CSTF2: variants seen among roughly 807,000 people sequenced by gnomAD.
CSTF2 encodes the protein CF-1 64 kDa subunit.
Under a neutral mutation model 45.4 loss-of-function variants are expected in CSTF2, and 8 were observed. The observed-to-expected ratio is 0.18, with a 90% CI of 0.10 to 0.32. The LOEUF is 0.32. Among genes scored for constraint, CSTF2 ranks in the 10% least tolerant of loss-of-function variants. The pLI, the probability that CSTF2 is intolerant of heterozygous loss-of-function variation, is 1.00. For missense variants in CSTF2, 253 were observed against 477.1 expected (o/e 0.53, Z 4.38); for synonymous variants, 155 against 158.9 (o/e 0.98, Z 0.18).
chrX:100,820,646 G>A, intron 1 of CSTF2, 172 bp downstream of exon 1: 1 of 553,180 alleles, frequency 1.8e-6, no homozygotes, highest in South Asian at 2.5e-5. Context: ...CCATTCTGCC[G>A]AGGTCTCGTA....
rs146482518 is a variant in CSTF2 at position 100,823,906 on chromosome X, C to G, written c.465C>G (p.Pro155=). ...CTCAGCTCTGTGTCCAGAATAGTCC[C>G]CAGGAGGCACGGAACATGTTACTTC... The part of the protein sequence containing the change: ...KQMKLCVQNS[P]QEARNMLLQN... Residue 155 remains proline (P), a synonymous_variant, in exon 5 of 14, where the codon CCC becomes CCG. Transcript: ENST00000372972. The G allele has an allele frequency of 2.4e-5, 29 of 1,209,461 alleles. No homozygotes were observed. The highest frequency in any genetic ancestry group is 3.0e-5 in the Non-Finnish European group (27 of 894,564).
chrX:100,827,883 A>G (rs1298083641), intron 7 of CSTF2, among the ~76,000 whole-genome samples, 157 bp from the exon 8 acceptor site: 1 of 111,809 alleles, frequency 8.9e-6, no homozygotes, highest in Non-Finnish European at 1.9e-5. Context: ...ATACTAACAA[A>G]CCCCATCTTC....
intron 3 of CSTF2, 45 bp downstream of exon 3, chrX:100,822,465 G>T: frequency 1.7e-6 from 2 of 1,145,957 alleles, no homozygotes; most frequent in East Asian, 6.0e-5. Flanking sequence ...TAGTAAAGAT[G>T]TAACAATGAA....
intron 10 of CSTF2, 47 bp downstream of exon 10, chrX:100,832,956 T>C: frequency 8.9e-7 from 1 of 1,120,008 alleles, no homozygotes; most frequent in East Asian, 3.1e-5. Flanking sequence ...TCAACTGTCT[T>C]AGGCTCTAAT....
In CSTF2 at chrX:100,839,362, T is replaced by C. The variant is rs768608836; in HGVS notation, c.*3+998T>C. Among the ~76,000 whole-genome samples the C allele has an allele frequency of 6.3e-5, 7 of 111,490 alleles. No individual in the cohort carries two copies. In the Admixed American group the frequency reaches 6.7e-4, roughly 11 times the overall value. On this transcript the variant is annotated intron_variant, in intron 13 of 13. Coordinates refer to ENST00000372972, the MANE Select transcript of CSTF2 (RefSeq NM_001325.3). The stretch of plus-strand genomic sequence containing the variant: ...TTTTTAAAAAAAATTTCCCCAGCAT[T>C]TTGTATTTTATAAACAGTTCTTTTT...
chrX:100,831,471 A>G (rs748180154), intron 8 of CSTF2, 44 bp from the exon 9 acceptor site: 1 of 1,202,494 alleles, frequency 8.3e-7, no homozygotes, highest in Non-Finnish European at 1.1e-6. Context: ...TTGTTTGCTT[A>G]TGTGTCTTTC....
At chrX:100,829,535 CACATACAT>C (rs1439168176) in intron 8 of CSTF2, among the ~76,000 whole-genome samples, 1 of 111,434 alleles carries the variant, frequency 9.0e-6, no homozygotes, top group African/African-American at 3.3e-5. Context: ...TATATATACA[CACATACAT>C]ACATAAACAT....
Position 100,820,445 on chromosome X carries a change from C to T in CSTF2, c.29C>T (p.Ala10Val). The change falls in exon 1 of 14, where the codon GCG (alanine) becomes GTG (valine). Residue 10 changes from alanine to valine, a missense_variant. Ala to Val is a moderately conservative substitution (Grantham distance 64). This residue lies in a region of CSTF2 where 45 missense variants were observed against 147.5 expected (regional missense o/e 0.31). Transcript: ENST00000372972. Reference protein sequence around the residue: MAGLTVRDPAVDRSLRSVFV... With the variant: MAGLTVRDPVVDRSLRSVFV... ...GCGGGTTTGACTGTGAGAGACCCAG[C>T]GGTGGATCGTTCTCTACGTTCTGTG... The T allele has an allele frequency of 1.7e-6, 2 of 1,211,573 alleles. No homozygotes were observed. Among genetic ancestry groups the T allele is most frequent in the East Asian group, 3.0e-5 (1 of 33,849 alleles).
chrX:100,833,801 C>A (rs988102914), intron 11 of CSTF2, among the ~76,000 whole-genome samples: 2 of 111,796 alleles, frequency 1.8e-5, no homozygotes, highest in Admixed American at 9.5e-5. Flanking sequence ...TATACTTGCC[C>A]GGATCTCATC....
chrX:100,833,605 C>T (rs1325820076), intron 11 of CSTF2, 133 bp downstream of exon 11: 2 of 610,953 alleles, frequency 3.3e-6, no homozygotes, highest in East Asian at 3.6e-5. Flanking sequence ...ACTTGGATCT[C>T]CCTGTAGCTT....
chrX:100,824,385 A>G (rs1182677433), intron 6 of CSTF2, 128 bp downstream of exon 6: 42 of 750,149 alleles, frequency 5.6e-5, no homozygotes, highest in Non-Finnish European at 7.3e-5. Flanking sequence ...GCATAAAAGC[A>G]ATTTCCAGGT....
At chrX:100,821,411 A>T in intron 1 of CSTF2, 116 bp from the exon 2 acceptor site, 1 of 512,383 alleles carries the variant, frequency 2.0e-6, no homozygotes, top group Non-Finnish European at 3.3e-6. Flanking sequence ...AATACAATGG[A>T]ATTGGGATTG....
Position 100,841,100 on chromosome X carries a change from G to C in CSTF2, c.*390G>C, listed in dbSNP as rs1345728219. Among the ~76,000 whole-genome samples, 1 of 112,340 alleles carries C rather than the reference G, an allele frequency of 8.9e-6. No individual in the cohort carries two copies. Among genetic ancestry groups the C allele is most frequent in the Non-Finnish European group, 1.9e-5 (1 of 53,301 alleles). Reference sequence around the variant, plus strand: ...GATGATATTTGAGAATTTCTCAGAAGCAATGTTTTCTGGAACTTGGTTTTT... The same window carrying C: ...GATGATATTTGAGAATTTCTCAGAACCAATGTTTTCTGGAACTTGGTTTTT... On this transcript the variant is annotated 3_prime_UTR_variant, in exon 14 of 14. Coordinates refer to ENST00000372972, the MANE Select transcript of CSTF2 (RefSeq NM_001325.3).
chrX:100,837,481 C>T, intron 12 of CSTF2, 32 bp downstream of exon 12: 1 of 992,471 alleles, frequency 1.0e-6, no homozygotes, highest in Non-Finnish European at 1.4e-6. Context: ...CCTCCTTATG[C>T]ACAATTCTAG....
intron 2 of CSTF2, among the ~76,000 whole-genome samples, 190 bp downstream of exon 2, chrX:100,821,795 G>A (rs190990578): frequency 7.2e-5 from 8 of 111,385 alleles, no homozygotes; most frequent in African/African-American, 2.3e-4. Context: ...TGTTTTTTTC[G>A]TTAAAAATGT....
At chrX:100,826,543 G>A (rs756066277) in intron 6 of CSTF2, 91 bp from the exon 7 acceptor site, 3 of 905,626 alleles carry the variant, frequency 3.3e-6, no homozygotes, top group African/African-American at 3.9e-5. Flanking sequence ...ATTTGGGGCT[G>A]TTCATTTGAA....
In CSTF2 at chrX:100,827,501, TATCTA is replaced by T. The variant is rs781634169; in HGVS notation, c.827-533_827-529del. Among the ~76,000 whole-genome samples, 4 of 112,140 alleles carry T rather than the reference TATCTA, an allele frequency of 3.6e-5. No homozygotes were observed. The South Asian group carries it at 1.5e-3, about 42-fold the overall frequency. Reference sequence around the variant, plus strand: ...GTAACAAACTTGGTTTTTGTTAATTTATCTAATCTAGGGTAGGTTGAGTACAACAC... The same window carrying T: ...GTAACAAACTTGGTTTTTGTTAATTTATCTAGGGTAGGTTGAGTACAACAC... On this transcript the variant is annotated intron_variant, in intron 7 of 13. Transcript: ENST00000372972.
In CSTF2 at chrX:100,824,133, G is replaced by A. The variant is rs1434470371; in HGVS notation, c.578G>A (p.Arg193His). Reference sequence around the variant, plus strand: ...TTCACTTTTTAGAAAATTCTGCATCGCCAGACAAATATCCCAACGCTGATT... The same window carrying A: ...TTCACTTTTTAGAAAATTCTGCATCACCAGACAAATATCCCAACGCTGATT... ...DPEIALKILH[R>H]QTNIPTLIAG... is the part of the protein sequence containing the mutation. The change falls in exon 6 of 14, where the codon CGC (arginine) becomes CAC (histidine). Residue 193 changes from arginine to histidine, a missense_variant. By Grantham distance (29) the Arg-to-His change is conservative (BLOSUM62 0). Around this residue, in one of 3 missense-constraint regions of CSTF2, gnomAD observed 200 missense variants for 294.0 expected, o/e 0.68. Coordinates refer to ENST00000372972, the MANE Select transcript of CSTF2 (RefSeq NM_001325.3). 1.7e-6 allele frequency: 2 copies of A among 1,211,039 alleles called. No individual in the cohort carries two copies. The highest frequency in any genetic ancestry group is 2.2e-6 in the Non-Finnish European group (2 of 895,239).
chrX:100,824,589 CTTA>C (rs2084935153), intron 6 of CSTF2, among the ~76,000 whole-genome samples: 1 of 112,018 alleles, frequency 8.9e-6, no homozygotes, highest in South Asian at 3.7e-4. Context: ...GGTTGGCACT[CTTA>C]TTATCTCCAT....
Sources: allele counts gnomAD v4.1 joint callset (sites outside exome capture counted in the v4.1 genomes callset), GRCh38; gene constraint gnomAD v4.1.1; regional missense constraint gnomAD v4.1.1; transcripts MANE v1.5; gene names NCBI Gene and HGNC (gene_info 2026-07-23, HGNC 2026-07-21).